TMEM178A: variants seen among roughly 807,000 people sequenced by gnomAD.
TMEM178A encodes the protein transmembrane protein 178A.
Under a neutral mutation model 29.1 loss-of-function variants are expected in TMEM178A, and 12 were observed. The observed-to-expected ratio is 0.41, with a 90% CI of 0.26 to 0.67. The LOEUF (loss-of-function observed/expected upper bound fraction) is 0.67, where lower values mean the gene tolerates loss of function less well. Ranked by LOEUF, TMEM178A falls within the 30% of genes least tolerant of loss-of-function variation. TMEM178A has a pLI of 0.29. For missense variants in TMEM178A, 366 were observed against 419.1 expected (o/e 0.87, Z 1.11); for synonymous variants, 210 against 187.2 (o/e 1.12, Z -0.99).
intron 3 of TMEM178A, among the ~76,000 whole-genome samples, chr2:39,707,409 A>T (rs1372399659): frequency 3.3e-5 from 5 of 152,190 alleles, no homozygotes; most frequent in Admixed American, 2.0e-4. Context: ...AGTAGGTTGG[A>T]TGGAAGTGTC....
chr2:39,666,080 C>T lies in TMEM178A; in HGVS notation c.106C>T (p.Pro36Ser), dbSNP rs755453696. 1.3e-6 allele frequency: 2 copies of T among 1,569,846 alleles called. No individual in the cohort carries two copies. Among genetic ancestry groups the T allele is most frequent in the Non-Finnish European group, 1.7e-6 (2 of 1,161,610 alleles). Residue 36 changes from proline (P) to serine (S), a missense_variant, in exon 1 of 4, where the codon CCC (proline) becomes TCC (serine). Pro to Ser is a moderately conservative substitution (Grantham distance 74). Around this residue, in one of 2 missense-constraint regions of TMEM178A, gnomAD observed 247 missense variants for 246.8 expected, o/e 1.00. Transcript: ENST00000281961. ...CACCGACCACTGGTACGAGACCGAC[C>T]CCCGGCGCCACAAGGAGAGCTGCGA... The part of the protein sequence containing the change: ...IFTDHWYETD[P>S]RRHKESCERS...
At chr2:39,680,660 A>T (rs1419045611) in intron 1 of TMEM178A, among the ~76,000 whole-genome samples, 1 of 152,248 alleles carries the variant, frequency 6.6e-6, no homozygotes, top group Non-Finnish European at 1.5e-5. Context: ...CCCTTTAGAA[A>T]ACTACTTAGT....
intron 1 of TMEM178A, among the ~76,000 whole-genome samples, chr2:39,680,563 A>G (rs1558446536): frequency 6.6e-6 from 1 of 152,144 alleles, no homozygotes; most frequent in Non-Finnish European, 1.5e-5. Flanking sequence ...TTTTTCTTAG[A>G]TGATTTCATA....
chr2:39,704,126 C>T lies in TMEM178A; in HGVS notation c.446C>T (p.Pro149Leu), dbSNP rs773409910. 6.2e-7 allele frequency: 1 copy of T among 1,614,140 alleles called. No individual in the cohort carries two copies. The highest frequency in any genetic ancestry group is 2.2e-5 in the East Asian group (1 of 44,882). ...CTAIKYHFSQ[P>L]IRLRNIPFNL... ...GCCATCAAGTACCACTTTTCTCAGC[C>T]CATCCGCTTGCGAAACATTCCTTTT... The change falls in exon 2 of 4, where the codon CCC becomes CTC. Residue 149 changes from proline to leucine, a missense_variant. By Grantham distance (98) the Pro-to-Leu change is moderately conservative. Transcript: ENST00000281961.
At chr2:39,686,066 G>T (rs1248882201) in intron 1 of TMEM178A, among the ~76,000 whole-genome samples, 1 of 152,226 alleles carries the variant, frequency 6.6e-6, no homozygotes, top group African/African-American at 2.4e-5. Flanking sequence ...GAGACCTTTT[G>T]CATTGCCCTA....
At chr2:39,728,877 ATT>A in the TMEM178A span, among the ~76,000 whole-genome samples, 1 of 152,192 alleles carries the variant, frequency 6.6e-6, no homozygotes, top group African/African-American at 2.4e-5. Context: ...ATTAAAAATG[ATT>A]TTGGAGAGGG....
At chr2:39,689,262 T>C (rs148071099) in intron 1 of TMEM178A, among the ~76,000 whole-genome samples, 221 of 152,324 alleles carry the variant, frequency 1.5e-3, no homozygotes, top group Middle Eastern at 6.8e-3. Flanking sequence ...GTTGCTCTTT[T>C]CTGAGTATTT....
At chr2:39,715,939 T>A (rs182168535) in intron 3 of TMEM178A, among the ~76,000 whole-genome samples, 161 of 152,332 alleles carry the variant, frequency 1.1e-3, no homozygotes, top group Admixed American at 5.8e-3. Flanking sequence ...AATCTGCTAC[T>A]TTTAGCTCTC....
chr2:39,678,669 C>T (rs904746031), intron 1 of TMEM178A, among the ~76,000 whole-genome samples: 6 of 152,110 alleles, frequency 3.9e-5, no homozygotes, highest in Admixed American at 2.6e-4. Context: ...GTCACTAAAT[C>T]GTACACTTTA....
At chr2:39,722,985 C>A in the TMEM178A span, among the ~76,000 whole-genome samples, 1 of 152,168 alleles carries the variant, frequency 6.6e-6, no homozygotes, top group Non-Finnish European at 1.5e-5. Context: ...CTGGAAAGGG[C>A]ATGGAAACCT....
intron 1 of TMEM178A, among the ~76,000 whole-genome samples, chr2:39,680,154 A>G (rs1251089158): frequency 6.6e-6 from 1 of 152,174 alleles, no homozygotes; most frequent in Non-Finnish European, 1.5e-5. Context: ...TTACCTCTTC[A>G]GATCTTGATT....
intron 1 of TMEM178A, 131 bp downstream of exon 1, chr2:39,666,505 C>A: frequency 1.7e-6 from 1 of 578,354 alleles, no homozygotes; most frequent in Non-Finnish European, 2.4e-6. Flanking sequence ...TTGCATCCTT[C>A]CCGCCGCCTC....
chr2:39,695,036 C>T (rs972359539), intron 1 of TMEM178A, among the ~76,000 whole-genome samples: 23 of 152,300 alleles, frequency 1.5e-4, no homozygotes, highest in African/African-American at 5.5e-4. Flanking sequence ...ATACCCAATA[C>T]AGGAGGTGAT....
upstream of TMEM178A, chr2:39,665,739 G>A (rs1241655126): frequency 1.3e-5 from 5 of 377,452 alleles, no homozygotes; most frequent in Middle Eastern, 6.7e-4. Flanking sequence ...AGAGCGGCGC[G>A]GGGGAGGGCT....
At chr2:39,722,571 G>A (rs923309097), downstream of TMEM178A, among the ~76,000 whole-genome samples, 10 of 152,168 alleles carry the variant, frequency 6.6e-5, no homozygotes, top group Non-Finnish European at 1.5e-4. Context: ...TGATCAATTA[G>A]TGGTGGCTGG....
chr2:39,714,851 A>G (rs1235892987), intron 3 of TMEM178A, among the ~76,000 whole-genome samples: 4 of 152,224 alleles, frequency 2.6e-5, no homozygotes, highest in Non-Finnish European at 2.9e-5. Flanking sequence ...AGATAGATAC[A>G]TAGGACATTC....
rs1672569019 is a variant in TMEM178A at position 39,717,022 on chromosome 2, C to A, written c.665C>A (p.Thr222Asn). ...LLFLMTGIFCTISLCTYAASI... is the reference protein window; with the variant it reads ...LLFLMTGIFCNISLCTYAASI... ...GTATTATTTATAGGGATATTTTGCACCATTTCCCTCTGTACTTATGCCGCC... is the reference window on the plus strand; with the variant it reads ...GTATTATTTATAGGGATATTTTGCAACATTTCCCTCTGTACTTATGCCGCC... The change falls in exon 4 of 4, where the codon ACC becomes AAC. Residue 222 changes from threonine to asparagine, a missense_variant. By Grantham distance (65) the Thr-to-Asn change is moderately conservative (BLOSUM62 0). Around this residue, in one of 2 missense-constraint regions of TMEM178A, gnomAD observed 119 missense variants for 172.2 expected, o/e 0.69. Transcript: ENST00000281961. The A allele has an allele frequency of 6.2e-7, 1 of 1,610,760 alleles. No individual in the cohort carries two copies. Among genetic ancestry groups the A allele is most frequent in the African/African-American group, 1.4e-5 (1 of 73,940 alleles).
intron 1 of TMEM178A, among the ~76,000 whole-genome samples, chr2:39,699,242 G>T (rs1671680623): frequency 1.3e-5 from 2 of 151,662 alleles, no homozygotes; most frequent in Admixed American, 1.3e-4. Context: ...GGCCAGGCTG[G>T]TCTTGAACTC....
chr2:39,675,492 G>A (rs1053448806), intron 1 of TMEM178A, among the ~76,000 whole-genome samples: 1 of 152,168 alleles, frequency 6.6e-6, no homozygotes, highest in African/African-American at 2.4e-5. Context: ...GTGAAACAGA[G>A]TAGTTCCCCG....
Sources: gnomAD v4.1 joint callset for allele counts (sites outside exome capture counted in the v4.1 genomes callset) on GRCh38, gnomAD v4.1.1 for gene constraint, gnomAD v4.1.1 regional missense constraint, MANE v1.5 for transcripts, NCBI Gene and HGNC (gene_info 2026-07-23, HGNC 2026-07-21) for gene names.